Variants in PTPRA observed in about 807,000 individuals in gnomAD.
The protein encoded by PTPRA is protein tyrosine phosphatase receptor type A.
A neutral mutation model predicts 104.8 loss-of-function variants in PTPRA; 25 were observed. The observed-to-expected ratio is 0.24, with a 90% CI of 0.17 to 0.33. The LOEUF (loss-of-function observed/expected upper bound fraction) is 0.33. PTPRA is among the 10% of genes least tolerant of loss of function. The probability of loss-of-function intolerance (pLI) is 1.00; values close to 1 mark genes in which losing one functional copy is unlikely to be tolerated. For missense variants in PTPRA, 765 were observed against 1,015.3 expected (o/e 0.75, Z 3.35); for synonymous variants, 323 against 368.9 (o/e 0.88, Z 1.43).
rs1255284453 is a variant in PTPRA, at chr20:3,024,569, T to C, written c.1562T>C (p.Ile521Thr). ...TCTCTAGAAACCCACCTGCAGAAAA[T>C]TTACAACAAAATCCCAGGGACCAGC... ...VTSLETHLQK[I>T]YNKIPGTSNN... Residue 521 changes from isoleucine to threonine, a missense_variant, in exon 17 of 24, where the codon ATT becomes ACT. Transcript: ENST00000399903. The C allele has an allele frequency of 6.2e-7, 1 of 1,613,906 alleles. No homozygotes were observed. The highest frequency in any genetic ancestry group is 8.5e-7 in the Non-Finnish European group (1 of 1,179,982).
intron 2 of PTPRA, among the ~76,000 whole-genome samples, chr20:2,928,096 T>A (rs1290960836): frequency 6.6e-6 from 1 of 152,146 alleles, no homozygotes; most frequent in Admixed American, 6.5e-5. Flanking sequence ...CAGATAAATT[T>A]TGACTCTTTC....
At chr20:3,036,680 T>C (rs1243575819) in intron 22 of PTPRA, among the ~76,000 whole-genome samples, 1 of 152,212 alleles carries the variant, frequency 6.6e-6, no homozygotes. Flanking sequence ...GTGAATCAGC[T>C]GATGACATTG....
intron 1 of PTPRA, among the ~76,000 whole-genome samples, chr20:2,922,730 C>T (rs1301339547): frequency 2.0e-5 from 3 of 150,822 alleles, no homozygotes; most frequent in Admixed American, 1.3e-4. Flanking sequence ...CTCTGCCTCC[C>T]GGGTTCAAGC....
At chr20:3,010,834 T>A (rs554633000) in intron 11 of PTPRA, among the ~76,000 whole-genome samples, 3 of 152,222 alleles carry the variant, frequency 2.0e-5, no homozygotes, top group African/African-American at 7.2e-5. Context: ...TTGAGAATGA[T>A]CATGATTTAC....
intron 20 of PTPRA, among the ~76,000 whole-genome samples, chr20:3,029,165 G>C (rs941049401): frequency 7.2e-6 from 1 of 139,128 alleles, no homozygotes; most frequent in East Asian, 2.0e-4. Context: ...GTTTGAGAGA[G>C]GGTCTCACTT....
At chr20:3,010,322 A>G (rs974880132) in intron 11 of PTPRA, among the ~76,000 whole-genome samples, 5 of 151,894 alleles carry the variant, frequency 3.3e-5, no homozygotes, top group African/African-American at 1.2e-4. Context: ...AGCAGTCCCA[A>G]GCATTCCTCA....
intron 1 of PTPRA, among the ~76,000 whole-genome samples, chr20:2,888,360 G>C (rs536549775): frequency 2.6e-5 from 4 of 152,036 alleles, no homozygotes; most frequent in Admixed American, 6.5e-5. Flanking sequence ...AGGAGTTCGA[G>C]ACCAGCCTGG....
intron 1 of PTPRA, among the ~76,000 whole-genome samples, chr20:2,907,622 T>C (rs2059474563): frequency 6.6e-6 from 1 of 152,238 alleles, no homozygotes; most frequent in African/African-American, 2.4e-5. Context: ...GATTCCACTT[T>C]AGGTTATATG....
intron 3 of PTPRA, among the ~76,000 whole-genome samples, chr20:2,959,051 G>T (rs1243498575): frequency 6.6e-6 from 1 of 152,128 alleles, no homozygotes. Context: ...GGGTCGGGAA[G>T]TCACAGGAGT....
intron 3 of PTPRA, among the ~76,000 whole-genome samples, chr20:2,951,576 A>G (rs962344208): frequency 3.9e-5 from 6 of 152,192 alleles, no homozygotes; most frequent in Non-Finnish European, 7.4e-5. Context: ...GGACATCCCT[A>G]TGCTGCAGAA....
chr20:2,966,378 A>G (rs2061947688), intron 5 of PTPRA, among the ~76,000 whole-genome samples: 1 of 152,252 alleles, frequency 6.6e-6, no homozygotes, highest in Non-Finnish European at 1.5e-5. Context: ...TAGAGGAGAT[A>G]TTAGGATTAA....
At chr20:2,923,785 A>G (rs1026603358) in intron 2 of PTPRA, among the ~76,000 whole-genome samples, 2 of 152,114 alleles carry the variant, frequency 1.3e-5, no homozygotes, top group South Asian at 4.1e-4. Flanking sequence ...GCACCAAAGA[A>G]TGAAACTCCT....
At chr20:3,032,495 C>CGT (rs1404536262) in intron 20 of PTPRA, among the ~76,000 whole-genome samples, 1 of 152,122 alleles carries the variant, frequency 6.6e-6, no homozygotes, top group East Asian at 1.9e-4. Flanking sequence ...CGGCCGGGCG[C>CGT]GGTGGCTCAC....
intron 12 of PTPRA, among the ~76,000 whole-genome samples, chr20:3,016,885 C>A (rs565715307): frequency 6.6e-6 from 1 of 152,360 alleles, no homozygotes; most frequent in Non-Finnish European, 1.5e-5. Context: ...GATCCCCTTA[C>A]AGAGCACCTC....
chr20:3,036,600 ATCT>A (rs1410992533), intron 22 of PTPRA, among the ~76,000 whole-genome samples: 2 of 152,114 alleles, frequency 1.3e-5, no homozygotes, highest in Non-Finnish European at 2.9e-5. Context: ...CTTACCACAC[ATCT>A]TCTTGTCTGG....
chr20:2,980,929 C>G (rs954497209), intron 6 of PTPRA, among the ~76,000 whole-genome samples: 2 of 152,130 alleles, frequency 1.3e-5, no homozygotes, highest in African/African-American at 4.8e-5. Flanking sequence ...GGAAGGGGTT[C>G]AGTGATGGCT....
In PTPRA at chr20:2,951,824, T is replaced by A. The variant is rs144422507; in HGVS notation, c.-7+3800T>A. ...GCAATCATCTTGTGATCTGTTGGCC[T>A]CATCATATTTGAATAACAATAAAAT... On this transcript the variant is annotated intron_variant, in intron 3 of 23. Coordinates refer to ENST00000399903, the MANE Select transcript of PTPRA (RefSeq NM_001385305.1). Among the ~76,000 whole-genome samples, 49 of 152,318 alleles carry A rather than the reference T, an allele frequency of 3.2e-4. No individual in the cohort carries two copies. In the East Asian group the frequency reaches 9.1e-3, roughly 28 times the overall value.
intron 2 of PTPRA, among the ~76,000 whole-genome samples, chr20:2,946,040 C>T (rs1300779610): frequency 6.6e-6 from 1 of 151,886 alleles, no homozygotes; most frequent in African/African-American, 2.4e-5. Flanking sequence ...AATGAGTAGG[C>T]TGCTATGGTT....
intron 2 of PTPRA, among the ~76,000 whole-genome samples, chr20:2,923,570 G>A (rs1600117661): frequency 6.6e-6 from 1 of 151,862 alleles, no homozygotes; most frequent in South Asian, 2.1e-4. Flanking sequence ...AGGCCGAGGC[G>A]GGCAGATCAC....
Sources: gnomAD v4.1 joint callset for allele counts (sites outside exome capture counted in the v4.1 genomes callset) on GRCh38, gnomAD v4.1.1 for gene constraint, MANE v1.5 for transcripts, NCBI Gene and HGNC (gene_info 2026-07-23, HGNC 2026-07-21) for gene names.